The following TRAF3IP1 variants were observed in gnomAD, a reference collection of about 807,000 sequenced individuals.
TRAF3IP1 encodes intraflagellar transport 54.
In TRAF3IP1, 53 loss-of-function variants were observed where a neutral mutation model predicts 89.9. The ratio of observed to expected loss-of-function variants is 0.59; its 90% CI spans 0.47 to 0.74. The LOEUF (loss-of-function observed/expected upper bound fraction) is 0.74. TRAF3IP1 is among the 30% of genes least tolerant of loss of function. The pLI is 0.00. For synonymous variants in TRAF3IP1, 311 were observed against 322.1 expected, an observed-to-expected ratio of 0.97 and a Z score of 0.37; for missense variants, 806 against 866.1, an observed-to-expected ratio of 0.93 and a Z score of 0.87.
At chr2:238,396,847 C>CT (rs758437409) in intron 15 of TRAF3IP1, among the ~76,000 whole-genome samples, 20 of 152,306 alleles carry the variant, frequency 1.3e-4, no homozygotes, top group Admixed American at 7.2e-4. Context: ...ACAGTCACGT[C>CT]TAAGTCGACC....
chr2:238,388,780 CACAA>C (rs1399970766), intron 15 of TRAF3IP1, among the ~76,000 whole-genome samples: 2 of 151,614 alleles, frequency 1.3e-5, no homozygotes, highest in East Asian at 3.9e-4. Context: ...TAGCCAGGAC[CACAA>C]ACATGCACCA....
At chr2:238,381,370 C>T (rs900760158) in intron 15 of TRAF3IP1, among the ~76,000 whole-genome samples, 5 of 152,318 alleles carry the variant, frequency 3.3e-5, no homozygotes, top group Admixed American at 6.5e-5. Context: ...CCACTGAACC[C>T]CACTGACACC....
At chr2:238,337,993 A>G (rs1419903873) in intron 7 of TRAF3IP1, among the ~76,000 whole-genome samples, 5 of 152,092 alleles carry the variant, frequency 3.3e-5, no homozygotes, top group Non-Finnish European at 7.4e-5. Flanking sequence ...TTTGCGCAGT[A>G]ATTAGTCCAG....
At chr2:238,389,748 AAAT>A (rs71905391) in intron 15 of TRAF3IP1, among the ~76,000 whole-genome samples, 39,169 of 146,182 alleles carry the variant, frequency 0.27, 6,364 homozygotes, top group Non-Finnish European at 0.35. Context: ...ACTCCATCTC[AAAT>A]AATAATAATA....
At position 238,325,934 on chromosome 2, in the gene TRAF3IP1, G is replaced by C. The variant is rs762357686; in HGVS notation, c.318G>C (p.Glu106Asp). 1 of 1,613,916 alleles carries C rather than the reference G, an allele frequency of 6.2e-7. No individual in the cohort carries two copies. The highest frequency in any genetic ancestry group is 8.5e-7 in the Non-Finnish European group (1 of 1,179,946). The stretch of plus-strand genomic sequence containing the variant: ...GGCATGAGCCTGAAAGAACAAACGA[G>C]CTGCTCCAGATAATTGGAAAATGCT... Reference protein sequence around the residue: ...VAGHEPERTNELLQIIGKCCL... With the variant: ...VAGHEPERTNDLLQIIGKCCL... Residue 106 changes from glutamate to aspartate, a missense_variant, in exon 3 of 17, where the codon GAG (glutamate) becomes GAC (aspartate). Glu to Asp is a conservative substitution (Grantham distance 45, BLOSUM62 2). Around this residue, in one of 3 missense-constraint regions of TRAF3IP1, gnomAD observed 732 missense variants for 780.5 expected, o/e 0.94. Coordinates refer to ENST00000373327, the MANE Select transcript of TRAF3IP1 (RefSeq NM_015650.4).
intron 6 of TRAF3IP1, 93 bp downstream of exon 6, chr2:238,332,988 G>A: frequency 1.1e-6 from 1 of 914,330 alleles, no homozygotes; most frequent in Non-Finnish European, 1.8e-6. Context: ...CTGAGGCATG[G>A]AAGGAGCACA....
rs1699384327 is a variant in TRAF3IP1, at chr2:238,355,934, C to G, written c.1613-70C>G. 2.7e-6 allele frequency: 3 copies of G among 1,099,372 alleles called. No individual in the cohort carries two copies. In the Admixed American group the frequency reaches 5.6e-5, roughly 20 times the overall value. The allele number at this position is 1,099,372 out of a possible 1,614,324, so 68.1% of individuals were successfully genotyped here. On this transcript the variant is annotated intron_variant, in intron 14 of 16. Transcript: ENST00000373327. ...AAAACTTAGTGTTTTTCCCACCATC[C>G]CACCCATTTAGAATAGGTTTTTGGG...
chr2:238,323,185 TCTC>T lies in TRAF3IP1; in HGVS notation c.124-2118_124-2116del, dbSNP rs140426371. ...CTTACGCCTCCCAGGTTCAAGCAAT[TCTC>T]CTGTTTCAGCCTTCTGAGTAGCTGG... On this transcript the variant is annotated intron_variant, in intron 1 of 16. Coordinates refer to ENST00000373327, the MANE Select transcript of TRAF3IP1 (RefSeq NM_015650.4). Among the ~76,000 whole-genome samples, 1,221 of 152,176 alleles carry T rather than the reference TCTC, an allele frequency of 8.0e-3. 21 individuals carry two copies. Among genetic ancestry groups the T allele is most frequent in the African/African-American group, 0.028 (1,176 of 41,538 alleles).
rs1243379720 is a variant in TRAF3IP1, at chr2:238,328,692, A to C, written c.361A>C (p.Ser121Arg). ...IGKCCLNKLS[S>R]DDAVRRVLAG... ...CTTCCATTTGGACGACAAGCTCTCTAGTGACGATGCGGTGCGGAGGGTTTT... is the reference window on the plus strand; with the variant it reads ...CTTCCATTTGGACGACAAGCTCTCTCGTGACGATGCGGTGCGGAGGGTTTT... Residue 121 changes from serine (S) to arginine (R), a missense_variant, in exon 4 of 17, where the codon AGT (serine) becomes CGT (arginine). Transcript: ENST00000373327. 6.2e-7 allele frequency: 1 copy of C among 1,613,580 alleles called. No homozygotes were observed.
rs144593508 is a variant in TRAF3IP1, at chr2:238,381,269, C to T, written c.1690-16190C>T. The stretch of plus-strand genomic sequence containing the variant: ...ATGGAACATAAAAATGGGGCAAAAA[C>T]CAGTGAGGGTTGCACCCGCATTCCA... On this transcript the variant is annotated intron_variant, in intron 15 of 16. Coordinates refer to ENST00000373327, the MANE Select transcript of TRAF3IP1 (RefSeq NM_015650.4). Among the ~76,000 whole-genome samples, 526 of 152,080 alleles carry T rather than the reference C, an allele frequency of 3.5e-3. 4 individuals are homozygous for T. Among genetic ancestry groups the T allele is most frequent in the African/African-American group, 0.012 (502 of 41,488 alleles).
At chr2:238,363,502 C>G (rs1235382235) in intron 15 of TRAF3IP1, among the ~76,000 whole-genome samples, 1 of 151,912 alleles carries the variant, frequency 6.6e-6, no homozygotes, top group African/African-American at 2.4e-5. Context: ...ATGATAATAT[C>G]TAATGTAATG....
chr2:238,320,798 G>A lies in TRAF3IP1; in HGVS notation c.123+13G>A. 1 of 1,405,712 alleles carries A rather than the reference G, an allele frequency of 7.1e-7. No individual in the cohort carries two copies. 87.1% of individuals were successfully genotyped at this position (1,405,712 alleles called of 1,614,324 possible). The stretch of plus-strand genomic sequence containing the variant: ...CATCATCACGGAGGTGGGCGCCGGG[G>A]ACCGGGCCCGGCCAGGTGCGGGTCG... On this transcript the variant is annotated intron_variant, in intron 1 of 16. Coordinates refer to ENST00000373327, the MANE Select transcript of TRAF3IP1 (RefSeq NM_015650.4).
intron 7 of TRAF3IP1, among the ~76,000 whole-genome samples, chr2:238,336,712 T>G (rs542497358): frequency 2.0e-5 from 3 of 152,196 alleles, no homozygotes; most frequent in Non-Finnish European, 4.4e-5. Context: ...CATTACAGAT[T>G]AAGTTTAATA....
chr2:238,344,137 C>A (rs1698784795), intron 8 of TRAF3IP1, among the ~76,000 whole-genome samples: 1 of 152,200 alleles, frequency 6.6e-6, no homozygotes, highest in African/African-American at 2.4e-5. Context: ...GAAACAGCCG[C>A]CTACTTGCAG....
chr2:238,337,391 A>G (rs1367115741), intron 7 of TRAF3IP1, among the ~76,000 whole-genome samples: 1 of 152,212 alleles, frequency 6.6e-6, no homozygotes, highest in African/African-American at 2.4e-5. Flanking sequence ...GGGCCGGGCC[A>G]GGAAGCAGGG....
Position 238,348,954 on chromosome 2 carries a change from TATG to T in TRAF3IP1, c.1367+108_1367+110del, listed in dbSNP as rs375518669. On this transcript the variant is annotated intron_variant, in intron 11 of 16. Transcript: ENST00000373327. The stretch of plus-strand genomic sequence containing the variant: ...TATTTATTTAGTGCTTGAGCTAACT[TATG>T]AGGAATTACTTATACAAAGAATACA... 1.5e-4 allele frequency: 145 copies of T among 937,380 alleles called. 1 individual carries two copies. The African/African-American group carries it at 2.0e-3, about 13-fold the overall frequency. 58.1% of individuals were successfully genotyped at this position (937,380 alleles called of 1,614,324 possible).
intron 9 of TRAF3IP1, among the ~76,000 whole-genome samples, chr2:238,346,055 C>A (rs1424386036): frequency 6.6e-6 from 1 of 152,094 alleles, no homozygotes; most frequent in Non-Finnish European, 1.5e-5. Context: ...AGGGTCTGTT[C>A]CTAACACCCT....
At chr2:238,364,977 A>G (rs1223871923) in intron 15 of TRAF3IP1, among the ~76,000 whole-genome samples, 1 of 152,214 alleles carries the variant, frequency 6.6e-6, no homozygotes, top group Non-Finnish European at 1.5e-5. Context: ...TTAAAGAGGC[A>G]TTTATTTGGG....
rs1306916940 is a variant in TRAF3IP1, at chr2:238,329,353, G to T, written c.915+11G>T. The T allele has an allele frequency of 1.6e-5, 22 of 1,349,536 alleles. No individual in the cohort carries two copies. The highest frequency in any genetic ancestry group is 2.0e-5 in the Non-Finnish European group (21 of 1,042,618). The allele number at this position is 1,349,536 out of a possible 1,614,324, so 83.6% of individuals were successfully genotyped here. ...AAACCTGAGAAAAAGGTAAAGTCTT[G>T]CTGAGAACCTCGCCTTTTGCTTAGC... On this transcript the variant is annotated intron_variant, in intron 5 of 16. Coordinates refer to ENST00000373327, the MANE Select transcript of TRAF3IP1 (RefSeq NM_015650.4).
Sources: allele counts gnomAD v4.1 joint callset (sites outside exome capture counted in the v4.1 genomes callset), GRCh38; gene constraint gnomAD v4.1.1; regional missense constraint gnomAD v4.1.1; transcripts MANE v1.5; gene names NCBI Gene and HGNC (gene_info 2026-07-23, HGNC 2026-07-21).